Variants in OSBPL10 observed in about 807,000 individuals in gnomAD.
The protein encoded by OSBPL10 is oxysterol binding protein like 10, also known as oxysterol-binding protein-related protein 10.
Under a neutral mutation model 81.7 loss-of-function variants are expected in OSBPL10, and 49 were observed. That is an observed-to-expected ratio of 0.60 (90% CI 0.48 to 0.76). OSBPL10 has a LOEUF of 0.76. OSBPL10 is among the 30% of genes least tolerant of loss of function. The pLI is 0.00. For missense variants in OSBPL10, 923 were observed against 987.8 expected (o/e 0.93, Z 0.88); for synonymous variants, 419 against 383.6 (o/e 1.09, Z -1.08).
chr3:32,032,276 A>T (rs1449400845), intron 2 of OSBPL10, among the ~76,000 whole-genome samples: 1 of 152,096 alleles, frequency 6.6e-6, no homozygotes, highest in Non-Finnish European at 1.5e-5. Flanking sequence ...AAAATTAGGC[A>T]TGATGGGGGG....
intron 1 of OSBPL10, among the ~76,000 whole-genome samples, chr3:31,884,049 G>C (rs1357016276): frequency 6.6e-6 from 1 of 152,168 alleles, no homozygotes; most frequent in African/African-American, 2.4e-5. Context: ...AATGCATCCT[G>C]TTCAAACAAA....
intron 4 of OSBPL10, among the ~76,000 whole-genome samples, chr3:31,763,741 T>C (rs1698126650): frequency 6.6e-6 from 1 of 152,136 alleles, no homozygotes; most frequent in Admixed American, 6.5e-5. Flanking sequence ...TGCCAATTAT[T>C]TTCAGGAAAG....
chr3:32,002,344 T>C (rs34373544), intron 2 of OSBPL10, among the ~76,000 whole-genome samples: 2,854 of 152,194 alleles, frequency 0.019, 28 homozygotes, highest in Middle Eastern at 0.048. Context: ...AGGAGAACCA[T>C]AGGGTATCTC....
At chr3:31,874,866 G>A (rs1701412752) in intron 3 of OSBPL10, among the ~76,000 whole-genome samples, 8 of 152,074 alleles carry the variant, frequency 5.3e-5, no homozygotes, top group Admixed American at 5.2e-4. Flanking sequence ...CCTACAGATA[G>A]ACACCTAGAG....
intron 3 of OSBPL10, among the ~76,000 whole-genome samples, chr3:31,836,633 C>G (rs984140652): frequency 3.3e-5 from 5 of 151,872 alleles, no homozygotes; most frequent in Admixed American, 3.3e-4. Flanking sequence ...CAGGGCAAAC[C>G]TGAAGGTCCC....
chr3:31,966,061 A>C (rs2125479326), intron 1 of OSBPL10, among the ~76,000 whole-genome samples: 1 of 145,056 alleles, frequency 6.9e-6, no homozygotes, highest in East Asian at 2.0e-4. Context: ...TTGGGAGGCC[A>C]AGGTGGGAGG....
intron 1 of OSBPL10, among the ~76,000 whole-genome samples, chr3:31,904,338 G>A (rs192049590): frequency 1.3e-5 from 2 of 152,282 alleles, no homozygotes; most frequent in East Asian, 1.9e-4. Context: ...GCAGCAGGCA[G>A]GCCAATTCAT....
intron 2 of OSBPL10, chr3:31,990,183 A>C (rs1417968609): frequency 6.2e-7 from 1 of 1,614,038 alleles, no homozygotes; most frequent in Non-Finnish European, 8.5e-7. Context: ...CTGGAGAGAA[A>C]CCTTACAAGT....
At chr3:31,858,954 A>C (rs569476313) in intron 3 of OSBPL10, among the ~76,000 whole-genome samples, 86 of 152,348 alleles carry the variant, frequency 5.6e-4, no homozygotes, top group African/African-American at 2.1e-3. Flanking sequence ...TTGTAGCAGA[A>C]TTGGGTGAAT....
intron 4 of OSBPL10, among the ~76,000 whole-genome samples, chr3:31,798,900 T>C (rs764340969): frequency 2.6e-5 from 4 of 152,222 alleles, no homozygotes; most frequent in African/African-American, 4.8e-5. Context: ...TTAAGGAGCA[T>C]GCAACCTAGA....
At chr3:31,758,641 G>A (rs548928636) in intron 4 of OSBPL10, among the ~76,000 whole-genome samples, 1 of 152,354 alleles carries the variant, frequency 6.6e-6, no homozygotes, top group East Asian at 1.9e-4. Flanking sequence ...GATGTGCAGT[G>A]AGGGTCTTCG....
At chr3:31,886,470 G>A (rs774951228) in intron 1 of OSBPL10, among the ~76,000 whole-genome samples, 9 of 152,188 alleles carry the variant, frequency 5.9e-5, no homozygotes, top group African/African-American at 9.6e-5. Context: ...CTAGCTGACC[G>A]CAGCTTCATG....
chr3:31,715,140 C>T (rs1294998496), intron 6 of OSBPL10, among the ~76,000 whole-genome samples: 7 of 152,166 alleles, frequency 4.6e-5, no homozygotes, highest in Admixed American at 4.6e-4. Context: ...TCTCACCCTA[C>T]TCTCTAGACT....
chr3:32,008,400 G>T (rs1438497786), intron 2 of OSBPL10, among the ~76,000 whole-genome samples: 1 of 151,468 alleles, frequency 6.6e-6, no homozygotes, highest in Non-Finnish European at 1.5e-5. Context: ...TGATGCACCC[G>T]CCTTGGCTTC....
At chr3:31,667,246 C>G (rs1487948449) in intron 10 of OSBPL10, among the ~76,000 whole-genome samples, 1 of 152,222 alleles carries the variant, frequency 6.6e-6, no homozygotes, top group South Asian at 2.1e-4. Context: ...CCTTCCTTAT[C>G]GCAGCCTTTC....
chr3:31,954,939 T>C (rs1469629930), intron 1 of OSBPL10, among the ~76,000 whole-genome samples: 1 of 152,232 alleles, frequency 6.6e-6, no homozygotes, highest in Non-Finnish European at 1.5e-5. Context: ...TAATAAAATG[T>C]CAGTTGTAGA....
At chr3:31,909,461 C>G (rs1204325764) in intron 1 of OSBPL10, among the ~76,000 whole-genome samples, 1 of 151,724 alleles carries the variant, frequency 6.6e-6, no homozygotes. Flanking sequence ...AACTCCATGA[C>G]TCTTGTGGCT....
chr3:31,840,375 G>C, intron 3 of OSBPL10, among the ~76,000 whole-genome samples: 1 of 152,148 alleles, frequency 6.6e-6, no homozygotes, highest in East Asian at 1.9e-4. Context: ...CTTCCCAAAT[G>C]CTCAGGCACA....
In OSBPL10 at chr3:31,746,816, A is replaced by C. The variant is rs1256144216; in HGVS notation, c.940+1094T>G. On this transcript the variant is annotated intron_variant, in intron 5 of 11. Coordinates refer to ENST00000396556, the MANE Select transcript of OSBPL10 (RefSeq NM_017784.5). ...GGAAGGGGAACATCACACTCCGGGG[A>C]CTGTTGTGGGGTGGGGGGGAGGGAG... Among the ~76,000 whole-genome samples, 3 of 95,408 alleles carry C rather than the reference A, an allele frequency of 3.1e-5. No homozygotes were observed. In the East Asian group the frequency reaches 1.0e-3, roughly 33 times the overall value. 62.6% of individuals were successfully genotyped at this position (95,408 alleles called of 152,430 possible).
Sources: gnomAD v4.1 joint callset for allele counts (sites outside exome capture counted in the v4.1 genomes callset) on GRCh38, gnomAD v4.1.1 for gene constraint, MANE v1.5 for transcripts, NCBI Gene and HGNC (gene_info 2026-07-23, HGNC 2026-07-21) for gene names.